Variants in CMTM1 observed in about 807,000 individuals in gnomAD.
CMTM1 encodes the protein CKLF like MARVEL transmembrane domain containing 1.
A neutral mutation model predicts 17.8 loss-of-function variants in CMTM1; 16 were observed. That is an observed-to-expected ratio of 0.90 (90% confidence interval 0.61 to 1.37). The LOEUF (loss-of-function observed/expected upper bound fraction) is 1.37, where lower values mean the gene tolerates loss of function less well. Ranked by LOEUF, CMTM1 falls within the 40% of genes most tolerant of loss-of-function variation. CMTM1 has a pLI of 0.00. For synonymous variants in CMTM1, 169 were observed against 154.6 expected (o/e 1.09, Z -0.69); for missense variants, 354 against 375.6 (o/e 0.94, Z 0.47).
chr16:66,577,001 G>A, intron 2 of CMTM1, 103 bp from the exon 3 acceptor site: 1 of 997,916 alleles, frequency 1.0e-6, no homozygotes, highest in Non-Finnish European at 1.5e-6. Context: ...CAAATGGAAG[G>A]TTTTTTAAAG....
rs2013263978 is a variant in CMTM1, at chr16:66,570,048, T to TG, written c.546dup (p.Leu183AlafsTer16). On this transcript the variant is annotated frameshift_variant, in exon 2 of 4. Coordinates refer to ENST00000379500, the MANE Select transcript of CMTM1 (RefSeq NM_052999.4). LOFTEE classifies it high-confidence loss of function. ...GTCGTTTTTTTTATTCTAATATATG[T>TG]GCTAACCCTTCACCACTTGCTGACC... 6.2e-7 allele frequency: 1 copy of TG among 1,611,634 alleles called. No homozygotes were observed. The highest frequency in any genetic ancestry group is 1.7e-5 in the Admixed American group (1 of 59,574).
intron 1 of CMTM1, chr16:66,567,221 A>T: frequency 1.9e-6 from 1 of 525,718 alleles, no homozygotes; most frequent in African/African-American, 2.0e-5. Context: ...GTTTTGTTAC[A>T]TAGGTATATA....
chr16:66,578,945 C>T lies in CMTM1; in HGVS notation c.805C>T (p.Pro269Ser), dbSNP rs1377870237. The T allele has an allele frequency of 1.7e-5, 27 of 1,614,020 alleles. No individual in the cohort carries two copies. Among genetic ancestry groups the T allele is most frequent in the Middle Eastern group, 1.6e-4 (1 of 6,076 alleles). ...AGTCGAAGTTGAAAGGAAGCTTTCC[C>T]CCGCCAAGGACGCCTACCCCGAAAC... ...LGVEVERKLSPAKDAYPETGP... is the reference protein window; with the variant it reads ...LGVEVERKLSSAKDAYPETGP... Residue 269 changes from proline to serine, a missense_variant, in exon 4 of 4, where the codon CCC becomes TCC. Transcript: ENST00000379500.
chr16:66,569,952 C>T lies in CMTM1; in HGVS notation c.449C>T (p.Ala150Val). ...KILRLSLILG[A>V]LACFIITQAN... is the part of the protein sequence containing the mutation. Reference sequence around the variant, plus strand: ...TTATTGCAGAGTCTTATCTTAGGAGCATTAGCTTGTTTCATCATCACCCAA... The same window carrying T: ...TTATTGCAGAGTCTTATCTTAGGAGTATTAGCTTGTTTCATCATCACCCAA... The change falls in exon 2 of 4, where the codon GCA becomes GTA. Residue 150 changes from alanine (A) to valine (V), a missense_variant. Coordinates refer to ENST00000379500, the MANE Select transcript of CMTM1 (RefSeq NM_052999.4). 1 of 1,607,424 alleles carries T rather than the reference C, an allele frequency of 6.2e-7. No homozygotes were observed. The highest frequency in any genetic ancestry group is 8.5e-7 in the Non-Finnish European group (1 of 1,177,956).
intron 2 of CMTM1, among the ~76,000 whole-genome samples, chr16:66,575,575 G>T (rs1368658591): frequency 1.3e-5 from 2 of 152,176 alleles, no homozygotes; most frequent in Non-Finnish European, 2.9e-5. Context: ...TGTCCCTCAT[G>T]GGAGGCAATA....
At chr16:66,576,330 G>C (rs971378551) in intron 2 of CMTM1, among the ~76,000 whole-genome samples, 1 of 151,998 alleles carries the variant, frequency 6.6e-6, no homozygotes, top group African/African-American at 2.4e-5. Flanking sequence ...CCTGGGAGGC[G>C]GAGGTTGCAA....
rs938944767 is a variant in CMTM1, at chr16:66,570,056, C to T, written c.553C>T (p.Leu185Phe). The change falls in exon 2 of 4, where the codon CTT (leucine) becomes TTT (phenylalanine). Residue 185 changes from leucine to phenylalanine, a missense_variant. Leu to Phe is a conservative substitution (Grantham distance 22). Coordinates refer to ENST00000379500, the MANE Select transcript of CMTM1 (RefSeq NM_052999.4). Reference protein sequence around the residue: ...VFFILIYVLTLHHLLTYLHWP... With the variant: ...VFFILIYVLTFHHLLTYLHWP... ...TTTTATTCTAATATATGTGCTAACC[C>T]TTCACCACTTGCTGACCTATTTACA... is the stretch of plus-strand genomic sequence containing the variant. 11 of 1,608,880 alleles carry T rather than the reference C, an allele frequency of 6.8e-6. No individual in the cohort carries two copies. Among genetic ancestry groups the T allele is most frequent in the Non-Finnish European group, 8.5e-6 (10 of 1,178,460 alleles).
At chr16:66,568,455 A>G (rs1486470883) in intron 1 of CMTM1, among the ~76,000 whole-genome samples, 1 of 152,202 alleles carries the variant, frequency 6.6e-6, no homozygotes, top group Non-Finnish European at 1.5e-5. Context: ...AAAAATAAAC[A>G]TTTCAAACTA....
chr16:66,578,965 C>G lies in CMTM1; in HGVS notation c.825C>G (p.Pro275=), dbSNP rs894788317. The G allele has an allele frequency of 1.2e-6, 2 of 1,614,016 alleles. No individual in the cohort carries two copies. Among genetic ancestry groups the G allele is most frequent in the East Asian group, 2.2e-5 (1 of 44,876 alleles). ...TTTCCCCCGCCAAGGACGCCTACCCCGAAACCGGCCCCGACGCCCCGCAGA... is the reference window on the plus strand; with the variant it reads ...TTTCCCCCGCCAAGGACGCCTACCCGGAAACCGGCCCCGACGCCCCGCAGA... ...RKLSPAKDAY[P]ETGPDAPQRP... is the part of the protein sequence containing the mutation. Residue 275 remains proline (P), a synonymous_variant, in exon 4 of 4, where the codon CCC becomes CCG. Transcript: ENST00000379500.
chr16:66,566,909 C>T lies in CMTM1; in HGVS notation c.396C>T (p.Ser132=). ...YKFRDSLKRF[S]FSPTGMLKIL... ...TCAGGGACAGCCTCAAACGTTTCTC[C>T]TTCTCGCCCACTGGAATGTTGAAGA... The change falls in exon 1 of 4, where the codon TCC becomes TCT. Residue 132 remains serine, a synonymous_variant. Coordinates refer to ENST00000379500, the MANE Select transcript of CMTM1 (RefSeq NM_052999.4). The surrounding 1 kb of genome is among the most constrained non-coding windows in gnomAD (Gnocchi z 4.9). 5 of 1,614,036 alleles carry T rather than the reference C, an allele frequency of 3.1e-6. No homozygotes were observed. Among genetic ancestry groups the T allele is most frequent in the Non-Finnish European group, 4.2e-6 (5 of 1,179,988 alleles).
intron 2 of CMTM1, among the ~76,000 whole-genome samples, chr16:66,571,515 T>C (rs1461105456): frequency 6.6e-6 from 1 of 152,242 alleles, no homozygotes; most frequent in Non-Finnish European, 1.5e-5. Flanking sequence ...TTGCAGACTT[T>C]ACAACCTATT....
At chr16:66,574,696 G>A (rs1024352595) in intron 2 of CMTM1, among the ~76,000 whole-genome samples, 1 of 152,196 alleles carries the variant, frequency 6.6e-6, no homozygotes, top group African/African-American at 2.4e-5. Context: ...TCAAAGACTG[G>A]CTGGGCCTGG....
intron 1 of CMTM1, among the ~76,000 whole-genome samples, chr16:66,568,269 C>A (rs950006679): frequency 6.6e-6 from 1 of 152,036 alleles, no homozygotes; most frequent in Non-Finnish European, 1.5e-5. Context: ...TATTAAGATT[C>A]TATTAAAATA....
intron 2 of CMTM1, chr16:66,571,028 T>C (rs958418436): frequency 2.4e-6 from 1 of 410,314 alleles, no homozygotes; most frequent in Non-Finnish European, 4.8e-6. Flanking sequence ...TTATAGAACA[T>C]TTTTCTAACC....
At chr16:66,577,432 AC>A (rs1164002381) in intron 3 of CMTM1, among the ~76,000 whole-genome samples, 3 of 152,186 alleles carry the variant, frequency 2.0e-5, no homozygotes, top group African/African-American at 7.2e-5. Flanking sequence ...AGTCTGCTAA[AC>A]CCCTTTTGAG....
chr16:66,570,234 G>A, intron 2 of CMTM1, 140 bp downstream of exon 2: 1 of 659,416 alleles, frequency 1.5e-6, no homozygotes, highest in East Asian at 2.8e-5. Flanking sequence ...GTGTTGCCCT[G>A]GTCCAGAAGG....
At chr16:66,571,442 A>C (rs1313239178) in intron 2 of CMTM1, among the ~76,000 whole-genome samples, 1 of 152,218 alleles carries the variant, frequency 6.6e-6, no homozygotes, top group African/African-American at 2.4e-5. Context: ...TTCAGTAGCC[A>C]TATGTAGGTG....
intron 3 of CMTM1, 60 bp from the exon 4 acceptor site, chr16:66,578,771 G>T: frequency 1.3e-6 from 2 of 1,587,636 alleles, no homozygotes; most frequent in Non-Finnish European, 1.7e-6. Flanking sequence ...TCGAGAGGTT[G>T]CTACTGAGCT....
chr16:66,572,148 T>C (rs2013644211), intron 2 of CMTM1, among the ~76,000 whole-genome samples: 1 of 152,220 alleles, frequency 6.6e-6, no homozygotes, highest in Non-Finnish European at 1.5e-5. Flanking sequence ...GCACAGGATA[T>C]GCCTTGTGAG....
Sources: gnomAD v4.1 joint callset for allele counts (sites outside exome capture counted in the v4.1 genomes callset) on GRCh38, gnomAD v4.1.1 for gene constraint, Gnocchi (gnomAD v3.1) non-coding constraint, MANE v1.5 for transcripts, NCBI Gene and HGNC (gene_info 2026-07-23, HGNC 2026-07-21) for gene names.